CFAP46: variants seen among roughly 807,000 people sequenced by gnomAD.
CFAP46 encodes the protein cilia- and flagella-associated protein 46.
CFAP46 carries 245 observed loss-of-function variants against 325.7 expected under a neutral mutation model. The observed-to-expected ratio is 0.75, with a 90% confidence interval of 0.68 to 0.84. The LOEUF is 0.84. Among genes scored for constraint, CFAP46 ranks in the 40% least tolerant of loss-of-function variants. The pLI is 0.00. For missense variants in CFAP46, 3,346 were observed against 3,543.0 expected (o/e 0.94, Z 1.41); for synonymous variants, 1,523 against 1,495.9 (o/e 1.02, Z -0.42).
In CFAP46 at chr10:132,869,351, C is replaced by A. The variant is rs7908950; in HGVS notation, c.4533G>T (p.Glu1511Asp). ...YHLRLAHACS[E>D]LKLREAAARH... ...GCGCGGCTGCTTCTCTCAGCTTCAG[C>A]TCGGAGCACGCGTGGGCGAGGCTGT... Residue 1511 changes from glutamate to aspartate, a missense_variant, in exon 33 of 58, where the codon GAG becomes GAT. Physicochemically the swap from Glu to Asp is conservative, Grantham distance 45. Transcript: ENST00000368586. This position sits in a 1 kb window ranked among gnomAD's most constrained non-coding sequence, Gnocchi z 6.2. 1 of 1,535,792 alleles carries A rather than the reference C, an allele frequency of 6.5e-7. No homozygotes were observed. The highest frequency in any genetic ancestry group is 2.5e-5 in the East Asian group (1 of 40,674).
intron 24 of CFAP46, among the ~76,000 whole-genome samples, chr10:132,894,162 C>T (rs1026110611): frequency 7.2e-5 from 11 of 152,270 alleles, no homozygotes; most frequent in African/African-American, 2.4e-4. Context: ...ATATCTGCTG[C>T]TAAGAATTTG....
rs550832618 is a variant in CFAP46 at position 132,881,134 on chromosome 10, C to T, written c.3628-102G>A. The T allele has an allele frequency of 1.0e-3, 1,164 of 1,136,860 alleles. 11 individuals carry two copies. In the African/African-American group the frequency reaches 0.016, roughly 16 times the overall value. The allele number at this position is 1,136,860 out of a possible 1,614,324, so 70.4% of individuals were successfully genotyped here. A position where few individuals can be genotyped will look rare whatever the true frequency, so the allele number is the denominator to read the frequency against. On this transcript the variant is annotated intron_variant, in intron 27 of 57. Transcript: ENST00000368586. ...TGCTCATTTTCTACAAGAAAAGCTT[C>T]ATTCTTACCCCCACAGTGATCATTT...
chr10:132,832,704 G>A lies in CFAP46; in HGVS notation c.7117+654C>T, dbSNP rs1272342428. 4 of 463,544 alleles carry A rather than the reference G, an allele frequency of 8.6e-6. No individual in the cohort carries two copies. The highest frequency in any genetic ancestry group is 1.6e-5 in the South Asian group (1 of 64,408). 28.7% of individuals were successfully genotyped at this position (463,544 alleles called of 1,614,324 possible). On this transcript the variant is annotated intron_variant, in intron 50 of 57. Transcript: ENST00000368586. The surrounding 1 kb of genome is among the most constrained non-coding windows in gnomAD (Gnocchi z 4.1). ...CGCTCGGGGAAGCTTCACAACCGGG[G>A]CACGTCTGCACAGCCAGCACTCAGT...
chr10:132,868,166 G>C (rs149787035), intron 33 of CFAP46, among the ~76,000 whole-genome samples: 2 of 152,194 alleles, frequency 1.3e-5, no homozygotes, highest in Non-Finnish European at 2.9e-5. Context: ...GGCCACGCGC[G>C]TTCCAAGTCG....
At chr10:132,859,370 G>T in intron 37 of CFAP46, 123 bp from the exon 38 acceptor site, 1 of 791,742 alleles carries the variant, frequency 1.3e-6, no homozygotes, top group Non-Finnish European at 1.9e-6. Context: ...CGCTTTCGGA[G>T]CATTTCTCGA....
chr10:132,938,261 C>T (rs996415937), intron 5 of CFAP46, among the ~76,000 whole-genome samples: 1 of 152,246 alleles, frequency 6.6e-6, no homozygotes, highest in East Asian at 1.9e-4. Context: ...AAAACGTCTA[C>T]TGCGTTACCA....
In CFAP46 at chr10:132,828,637, A is replaced by G. The variant is rs1848099090; in HGVS notation, c.7117+4721T>C. Among the ~76,000 whole-genome samples, 1 of 152,114 alleles carries G rather than the reference A, an allele frequency of 6.6e-6. No homozygotes were observed. The highest frequency in any genetic ancestry group is 6.5e-5 in the Admixed American group (1 of 15,276). ...GGCGTAACTTTTCATTTTCTTAACA[A>G]TATCTTTCAAAGAGTGGAAATTCTT... On this transcript the variant is annotated intron_variant, in intron 50 of 57. Coordinates refer to ENST00000368586, the MANE Select transcript of CFAP46 (RefSeq NM_001200049.3). This position sits in a 1 kb window ranked among gnomAD's most constrained non-coding sequence, Gnocchi z 4.9.
intron 33 of CFAP46, among the ~76,000 whole-genome samples, chr10:132,868,676 T>C (rs569785010): frequency 1.3e-5 from 2 of 152,370 alleles, no homozygotes; most frequent in South Asian, 2.1e-4. Context: ...AATCGTGAGC[T>C]TTATTTTCCT....
In CFAP46 at chr10:132,908,506, A is replaced by G; in HGVS notation, c.2886T>C (p.Ala962=). The change falls in exon 22 of 58, where the codon GCT becomes GCC. Residue 962 remains alanine (A), a synonymous_variant. Transcript: ENST00000368586. ...HETTMACAHR[A]LEMGIKYLKK... ...TCAGGTACTTGATGCCCATCTCCAG[A>G]GCCCTGTGAGCACAGGCCATGGTGG... 1 of 1,550,540 alleles carries G rather than the reference A, an allele frequency of 6.4e-7. No individual in the cohort carries two copies. The highest frequency in any genetic ancestry group is 1.2e-5 in the South Asian group (1 of 84,066).
At chr10:132,835,509 T>C in intron 46 of CFAP46, 75 bp from the exon 47 acceptor site, 2 of 1,566,282 alleles carry the variant, frequency 1.3e-6, no homozygotes, top group Non-Finnish European at 1.7e-6. Context: ...TGGTGAGCAC[T>C]GGGAAAAGGG....
At chr10:132,879,722 G>T in intron 28 of CFAP46, 91 bp from the exon 29 acceptor site, 1 of 1,318,904 alleles carries the variant, frequency 7.6e-7, no homozygotes, top group Non-Finnish European at 1.0e-6. Context: ...GGCTGTGGTG[G>T]ACTGCCCGGT....
At chr10:132,915,542 G>A (rs1272907147) in intron 17 of CFAP46, among the ~76,000 whole-genome samples, 9 of 152,254 alleles carry the variant, frequency 5.9e-5, no homozygotes, top group Middle Eastern at 3.4e-3. Flanking sequence ...CCAAGGGACC[G>A]GCGAGGGCGG....
intron 35 of CFAP46, among the ~76,000 whole-genome samples, chr10:132,864,221 A>C (rs1206471680): frequency 4.5e-5 from 5 of 111,378 alleles, no homozygotes; most frequent in Non-Finnish European, 8.9e-5. Flanking sequence ...ACCTGCACAC[A>C]CCTGTCCCCC....
chr10:132,882,168 G>A (rs113914619), intron 27 of CFAP46, among the ~76,000 whole-genome samples: 52 of 147,314 alleles, frequency 3.5e-4, no homozygotes, highest in African/African-American at 1.2e-3. Flanking sequence ...TGTGAGTGGT[G>A]TGTGTGGGAT....
In CFAP46 at chr10:132,886,494, G is replaced by C. The variant is rs1849133634; in HGVS notation, c.3305-535C>G. Among the ~76,000 whole-genome samples the C allele has an allele frequency of 1.3e-5, 2 of 152,182 alleles. No individual in the cohort carries two copies. The highest frequency in any genetic ancestry group is 1.3e-4 in the Admixed American group (2 of 15,290). On this transcript the variant is annotated intron_variant, in intron 25 of 57. Transcript: ENST00000368586. This position sits in a 1 kb window ranked among gnomAD's most constrained non-coding sequence, Gnocchi z 5.8. ...CACACAAAAATCGCCTGCCTGCCGG[G>C]AGGTGAGCCCCACCCAGCCTCCATA... is the stretch of plus-strand genomic sequence containing the variant.
rs759905676 is a variant in CFAP46 at position 132,846,073 on chromosome 10, A to G, written c.6422T>C (p.Leu2141Pro). ...CCCGCTTACCTTGGACACGGCGGCC[A>G]GCCTCTGCTCCACACGGGCGCCCAG... ...TSLGARVEQR[L>P]AAVSKAWQNL... The change falls in exon 44 of 58, where the codon CTG becomes CCG. Residue 2141 changes from leucine (L) to proline (P), a missense_variant. By Grantham distance (98) the Leu-to-Pro change is moderately conservative. Transcript: ENST00000368586. 1 of 1,585,540 alleles carries G rather than the reference A, an allele frequency of 6.3e-7. No homozygotes were observed. The highest frequency in any genetic ancestry group is 1.3e-5 in the African/African-American group (1 of 74,586).
chr10:132,878,764 C>T (rs1348555840), intron 29 of CFAP46, among the ~76,000 whole-genome samples: 1 of 152,180 alleles, frequency 6.6e-6, no homozygotes, highest in Non-Finnish European at 1.5e-5. Context: ...CACGGCTGGG[C>T]GGTGGCCCTC....
At chr10:132,865,955 C>T (rs1002007335) in intron 35 of CFAP46, 70 bp downstream of exon 35, 1 of 1,325,360 alleles carries the variant, frequency 7.5e-7, no homozygotes, top group Non-Finnish European at 9.7e-7. Context: ...CTTCTGCCCG[C>T]AGTCCCTCCA....
At chr10:132,932,606 C>T (rs1849929843) in intron 8 of CFAP46, among the ~76,000 whole-genome samples, 1 of 151,300 alleles carries the variant, frequency 6.6e-6, no homozygotes, top group Admixed American at 6.6e-5. Context: ...TCCTCCTCCC[C>T]ACACAGAGCC....
Sources: allele counts gnomAD v4.1 joint callset (sites outside exome capture counted in the v4.1 genomes callset), GRCh38; gene constraint gnomAD v4.1.1; non-coding constraint Gnocchi (gnomAD v3.1); transcripts MANE v1.5; gene names NCBI Gene and HGNC (gene_info 2026-07-23, HGNC 2026-07-21).